The following N4BP2L2 variants were observed in gnomAD, a reference collection of about 807,000 sequenced individuals.
The protein encoded by N4BP2L2 is NEDD4 binding protein 2 like 2, also known as NEDD4-binding protein 2-like 2.
A neutral mutation model predicts 56.2 loss-of-function variants in N4BP2L2; 50 were observed. That is an observed-to-expected ratio of 0.89 (90% CI 0.71 to 1.13). The LOEUF (loss-of-function observed/expected upper bound fraction) is 1.13, where lower values mean the gene tolerates loss of function less well. N4BP2L2 is among the 50% of genes most tolerant of loss of function. The pLI is 0.00. For missense variants in N4BP2L2, 689 were observed against 693.8 expected (o/e 0.99, Z 0.08); for synonymous variants, 203 against 223.6 (o/e 0.91, Z 0.82).
At chr13:32,530,852 T>C (rs999990959) in intron 2 of N4BP2L2, among the ~76,000 whole-genome samples, 7 of 144,646 alleles carry the variant, frequency 4.8e-5, no homozygotes, top group South Asian at 2.1e-4. Context: ...AGGAACAGAA[T>C]ATGATACAGG....
chr13:32,433,458 C>T (rs7330235), intron 9 of N4BP2L2, among the ~76,000 whole-genome samples: 7,727 of 151,894 alleles, frequency 0.051, 353 homozygotes, highest in African/African-American at 0.13. Flanking sequence ...TGGCAAAACC[C>T]CGTCTCTAAA....
At chr13:32,536,388 G>A in exon 2 of N4BP2L2, 1 of 1,614,062 alleles carries the variant, frequency 6.2e-7, no homozygotes, top group South Asian at 1.1e-5. Flanking sequence ...GGTTTTAAGA[G>A]ACCATTATTA....
rs58685358 is a variant in N4BP2L2, at chr13:32,463,918, C to CAAAAAAAAAA, written c.366-19802_366-19793dup. Among the ~76,000 whole-genome samples the CAAAAAAAAAA allele has an allele frequency of 1.8e-3, 114 of 64,070 alleles. 2 individuals are homozygous for CAAAAAAAAAA. Among genetic ancestry groups the CAAAAAAAAAA allele is most frequent in the African/African-American group, 6.6e-3 (107 of 16,314 alleles). 42.0% of individuals were successfully genotyped at this position (64,070 alleles called of 152,430 possible). A position where few individuals can be genotyped will look rare whatever the true frequency, so the allele number is the denominator to read the frequency against. On this transcript the variant is annotated intron_variant, in intron 6 of 9. Coordinates refer to the N4BP2L2 transcript ENST00000357505. Reference sequence around the variant, plus strand: ...TAGAATGGCCCTACCTGCCCATGACCAAAAAAAAAAAAAAAAAAAAGGTAA... The same window carrying CAAAAAAAAAA: ...TAGAATGGCCCTACCTGCCCATGACCAAAAAAAAAAAAAAAAAAAAAAAAAAAAAAGGTAA...
chr13:32,523,096 A>T (rs2051456790), intron 3 of N4BP2L2: 2 of 152,178 alleles, frequency 1.3e-5, no homozygotes, highest in East Asian at 3.9e-4. Flanking sequence ...TGAGATAAGA[A>T]TCACTGTCAC....
intron 6 of N4BP2L2, among the ~76,000 whole-genome samples, chr13:32,484,347 A>G (rs1221292498): frequency 6.6e-6 from 1 of 152,232 alleles, no homozygotes; most frequent in Non-Finnish European, 1.5e-5. Flanking sequence ...TACATAAAAA[A>G]TAAATTAAAA....
chr13:32,458,358 C>T (rs2079365697), intron 6 of N4BP2L2, among the ~76,000 whole-genome samples: 2 of 152,194 alleles, frequency 1.3e-5, no homozygotes, highest in South Asian at 4.1e-4. Flanking sequence ...AGCCACTGTG[C>T]CCGGCCAAAT....
intron 6 of N4BP2L2, among the ~76,000 whole-genome samples, chr13:32,486,689 T>TAATAAC (rs2085940349): frequency 6.7e-6 from 1 of 149,530 alleles, no homozygotes; most frequent in Admixed American, 6.7e-5. Flanking sequence ...ATAATAATAA[T>TAATAAC]AATAATAACA....
rs142078364 is a variant in N4BP2L2 at position 32,471,574 on chromosome 13, C to T, written c.366-27448G>A. Among the ~76,000 whole-genome samples the T allele has an allele frequency of 2.4e-3, 372 of 152,362 alleles. 1 individual carries two copies. The highest frequency in any genetic ancestry group is 8.0e-3 in the African/African-American group (334 of 41,590). ...GTAGGCGGACAAGGGGGAGCCAAGG[C>T]TCGGCTCGTCTTGCACCCAGAGAAA... On this transcript the variant is annotated intron_variant, in intron 6 of 9. Coordinates refer to the N4BP2L2 transcript ENST00000357505.
chr13:32,449,726 T>C (rs1214592405), intron 6 of N4BP2L2, among the ~76,000 whole-genome samples: 4 of 152,218 alleles, frequency 2.6e-5, no homozygotes, highest in Non-Finnish European at 1.5e-5. Context: ...ATTTTTATTA[T>C]GTATTAACAA....
At chr13:32,444,786 C>A (rs2076792321) in intron 6 of N4BP2L2, among the ~76,000 whole-genome samples, 1 of 152,162 alleles carries the variant, frequency 6.6e-6, no homozygotes. Context: ...AATTTCATCA[C>A]TGTGTTAACA....
intron 6 of N4BP2L2, among the ~76,000 whole-genome samples, chr13:32,458,594 C>T (rs1215963807): frequency 1.3e-5 from 2 of 152,032 alleles, no homozygotes; most frequent in Non-Finnish European, 2.9e-5. Context: ...TATAATAATA[C>T]TAAATATGTA....
At chr13:32,482,329 C>T (rs1463940105) in intron 6 of N4BP2L2, among the ~76,000 whole-genome samples, 1 of 152,066 alleles carries the variant, frequency 6.6e-6, no homozygotes, top group African/African-American at 2.4e-5. Flanking sequence ...GTGGGGTTTA[C>T]ATACCTAGCG....
chr13:32,442,969 C>T, exon 7 of N4BP2L2: 6 of 1,613,614 alleles, frequency 3.7e-6, no homozygotes, highest in Non-Finnish European at 5.1e-6. Context: ...AATTTTTAGT[C>T]CATGGTTTTT....
In N4BP2L2 at chr13:32,522,273, G is replaced by T; in HGVS notation, c.1385-3C>A. 6.8e-7 allele frequency: 1 copy of T among 1,478,198 alleles called. No individual in the cohort carries two copies. Among genetic ancestry groups the T allele is most frequent in the Non-Finnish European group, 9.1e-7 (1 of 1,098,858 alleles). 91.6% of individuals were successfully genotyped at this position (1,478,198 alleles called of 1,614,324 possible). ...TCCCTGATCGATAGCTTGTTTTGCTGAAATAAAATATAAATTTAAAAATAA... is the reference window on the plus strand; with the variant it reads ...TCCCTGATCGATAGCTTGTTTTGCTTAAATAAAATATAAATTTAAAAATAA... On this transcript the variant is annotated splice_polypyrimidine_tract_variant and splice_region_variant and intron_variant, in intron 3 of 5. Coordinates refer to ENST00000267068, the Ensembl canonical transcript of N4BP2L2.
At chr13:32,452,253 G>T (rs1016396025) in intron 6 of N4BP2L2, among the ~76,000 whole-genome samples, 5 of 152,030 alleles carry the variant, frequency 3.3e-5, no homozygotes, top group East Asian at 1.9e-4. Flanking sequence ...TAGAGACGGG[G>T]TTTCTCTATG....
intron 6 of N4BP2L2, among the ~76,000 whole-genome samples, chr13:32,470,314 T>C (rs1593642030): frequency 6.6e-6 from 1 of 152,244 alleles, no homozygotes; most frequent in African/African-American, 2.4e-5. Flanking sequence ...TTATTAATGA[T>C]GTTATGCTAA....
At chr13:32,492,922 T>TC (rs1223875075) in intron 6 of N4BP2L2, among the ~76,000 whole-genome samples, 1 of 144,070 alleles carries the variant, frequency 6.9e-6, no homozygotes, top group East Asian at 2.0e-4. Flanking sequence ...TTCTGTTTTT[T>TC]TTTTTTTTTT....
At chr13:32,488,607 T>A (rs2086400452) in intron 6 of N4BP2L2, among the ~76,000 whole-genome samples, 1 of 152,188 alleles carries the variant, frequency 6.6e-6, no homozygotes. Flanking sequence ...ACAATTTTAA[T>A]AAAGGTATGT....
intron 1 of N4BP2L2, among the ~76,000 whole-genome samples, chr13:32,537,784 C>T (rs2056916618): frequency 6.6e-6 from 1 of 152,290 alleles, no homozygotes; most frequent in East Asian, 1.9e-4. Flanking sequence ...AAATTTGCTT[C>T]CCTTTAGGCC....
Sources: gnomAD v4.1 joint callset for allele counts (sites outside exome capture counted in the v4.1 genomes callset) on GRCh38, gnomAD v4.1.1 for gene constraint, MANE v1.5 for transcripts, NCBI Gene and HGNC (gene_info 2026-07-23, HGNC 2026-07-21) for gene names.